Variants in SOX5 observed in about 807,000 individuals in gnomAD.
SOX5 encodes the protein transcription factor SOX-5.
SOX5 carries 9 observed loss-of-function variants against 92.0 expected under a neutral mutation model. That is an observed-to-expected ratio of 0.10 (90% confidence interval 0.06 to 0.17). SOX5 has a LOEUF of 0.17. SOX5 is among the 10% of genes least tolerant of loss of function. The pLI is 1.00. For missense variants in SOX5, 642 were observed against 944.5 expected, an observed-to-expected ratio of 0.68 and a Z score of 4.20; for synonymous variants, 344 against 336.3, an observed-to-expected ratio of 1.02 and a Z score of -0.25.
rs1299804808 is a variant in SOX5, at chr12:24,185,473, A to G, written c.-2+27870T>C. On this transcript the variant is annotated intron_variant, in intron 4 of 4. Transcript: ENST00000446891. ...TTCTAATTTTATGTTTGTCCGTGTC[A>G]CTATTTATTTAGTATATTTCTCCCC... is the stretch of plus-strand genomic sequence containing the variant. Among the ~76,000 whole-genome samples, 6 of 152,256 alleles carry G rather than the reference A, an allele frequency of 3.9e-5. No individual in the cohort carries two copies. In the East Asian group the frequency reaches 9.6e-4, roughly 24 times the overall value.
At chr12:24,290,730 T>C (rs935938754) in intron 2 of SOX5, among the ~76,000 whole-genome samples, 11 of 152,082 alleles carry the variant, frequency 7.2e-5, no homozygotes, top group African/African-American at 2.7e-4. Context: ...TAAAAATAGA[T>C]AGTTTCAAAA....
At chr12:23,695,977 C>CA (rs2089776706) in intron 6 of SOX5, among the ~76,000 whole-genome samples, 1 of 104,766 alleles carries the variant, frequency 9.5e-6, no homozygotes, top group African/African-American at 3.6e-5. Context: ...AAGAACACAA[C>CA]AAAAAACAAA....
chr12:23,612,979 C>T (rs557244436), intron 8 of SOX5, among the ~76,000 whole-genome samples: 19 of 152,226 alleles, frequency 1.2e-4, no homozygotes, highest in South Asian at 2.1e-4. Flanking sequence ...AATAAATTTG[C>T]TTTGCCCATT....
chr12:24,458,035 CTA>C (rs1380899720), intron 1 of SOX5, among the ~76,000 whole-genome samples: 3 of 137,708 alleles, frequency 2.2e-5, no homozygotes, highest in Non-Finnish European at 5.0e-5. Flanking sequence ...TGCAGGTAAA[CTA>C]TTTTTTTTTT....
At chr12:23,607,031 A>T (rs1335111534) in intron 8 of SOX5, among the ~76,000 whole-genome samples, 1 of 152,184 alleles carries the variant, frequency 6.6e-6, no homozygotes, top group Non-Finnish European at 1.5e-5. Flanking sequence ...GGCTAACATT[A>T]GGTTGCTCTT....
At chr12:24,528,273 T>A (rs184605901) in intron 1 of SOX5, among the ~76,000 whole-genome samples, 53 of 152,272 alleles carry the variant, frequency 3.5e-4, no homozygotes, top group South Asian at 8.3e-4. Flanking sequence ...GACCTGTACA[T>A]CCCCTTTTAT....
At chr12:23,929,591 A>G (rs1236652994) in intron 1 of SOX5, among the ~76,000 whole-genome samples, 1 of 152,000 alleles carries the variant, frequency 6.6e-6, no homozygotes, top group African/African-American at 2.4e-5. Flanking sequence ...GAAAGAGGAA[A>G]AAAAACAACA....
At position 24,047,406 on chromosome 12, in the gene SOX5, T is replaced by C. The variant is rs12426292; in HGVS notation, c.-1-151382A>G. 3.9e-3 allele frequency among the ~76,000 whole-genome samples: 587 copies of C among 152,360 alleles called. 10 individuals carry two copies. The highest frequency in any genetic ancestry group is 0.019 in the Admixed American group (295 of 15,302). On this transcript the variant is annotated intron_variant, in intron 4 of 4. Coordinates refer to the SOX5 transcript ENST00000446891. ...TTTGCACACAGAAAATTATTTCATA[T>C]GGACACTCCATTCTTGGGGAACATG... is the stretch of plus-strand genomic sequence containing the variant.
At chr12:23,729,726 G>C (rs976082803) in intron 6 of SOX5, among the ~76,000 whole-genome samples, 1 of 152,076 alleles carries the variant, frequency 6.6e-6, no homozygotes, top group Non-Finnish European at 1.5e-5. Flanking sequence ...CTGATGCCCT[G>C]GTATGGGAAT....
rs532573476 is a variant in SOX5, at chr12:24,247,934, G to A, written c.-77+29282C>T. 5.3e-5 allele frequency among the ~76,000 whole-genome samples: 8 copies of A among 152,140 alleles called. 1 individual carries two copies. Among genetic ancestry groups the A allele is most frequent in the African/African-American group, 1.9e-4 (8 of 41,534 alleles). On this transcript the variant is annotated intron_variant, in intron 3 of 4. Transcript: ENST00000446891. ...CTCCCAAAGTGCTGGGATTACAGGC[G>A]TGAGCCACGGCACCCAGCCAGCAAT...
chr12:23,556,740 C>T (rs1461318491), intron 11 of SOX5, among the ~76,000 whole-genome samples: 2 of 152,214 alleles, frequency 1.3e-5, no homozygotes, highest in African/African-American at 4.8e-5. Context: ...CTTCCACCGA[C>T]TGGAGAGGCA....
intron 2 of SOX5, among the ~76,000 whole-genome samples, chr12:24,316,464 G>A (rs997569674): frequency 6.6e-6 from 1 of 152,138 alleles, no homozygotes; most frequent in Admixed American, 6.5e-5. Context: ...AAAGATTGCC[G>A]ATTTCCCATG....
chr12:23,570,930 AATATATATATAT>A (rs1164831816), intron 10 of SOX5, among the ~76,000 whole-genome samples: 316 of 19,692 alleles, frequency 0.016, 1 homozygote, highest in African/African-American at 0.028. Flanking sequence ...AAAAAAAAAA[AATATATATATAT>A]ATATATATAT....
chr12:24,157,903 T>G (rs1952357743), intron 4 of SOX5, among the ~76,000 whole-genome samples: 1 of 152,074 alleles, frequency 6.6e-6, no homozygotes, highest in Admixed American at 6.6e-5. Flanking sequence ...TTTGTCTCTG[T>G]TCTACACAAT....
chr12:24,253,261 C>T (rs986700611), intron 3 of SOX5, among the ~76,000 whole-genome samples: 8 of 144,778 alleles, frequency 5.5e-5, no homozygotes, highest in Middle Eastern at 3.4e-3. Context: ...CAGAGAAGCA[C>T]GTGCACATCT....
chr12:24,552,192 G>C (rs1385450064), intron 1 of SOX5, among the ~76,000 whole-genome samples: 1 of 151,302 alleles, frequency 6.6e-6, no homozygotes, highest in African/African-American at 2.4e-5. Flanking sequence ...TTTTATTTTA[G>C]AACTCCTAAA....
At chr12:23,553,144 G>A (rs1406007352) in intron 11 of SOX5, among the ~76,000 whole-genome samples, 1 of 151,828 alleles carries the variant, frequency 6.6e-6, no homozygotes, top group East Asian at 1.9e-4. Context: ...CTATGGTTTT[G>A]TAATCAATAA....
intron 6 of SOX5, among the ~76,000 whole-genome samples, chr12:23,715,809 C>CAAAAAAAAAAA (rs35450544): frequency 1.4e-5 from 1 of 72,822 alleles, no homozygotes; most frequent in African/African-American, 4.9e-5. Flanking sequence ...AGTAATTTCC[C>CAAAAAAAAAAA]AAAAAAAAAA....
chr12:24,374,516 T>TACAC (rs148748308), intron 1 of SOX5, among the ~76,000 whole-genome samples: 232 of 146,498 alleles, frequency 1.6e-3, no homozygotes, highest in Middle Eastern at 7.0e-3. Flanking sequence ...CACACACACA[T>TACAC]ACACACACAC....
Sources: allele counts gnomAD v4.1 joint callset (sites outside exome capture counted in the v4.1 genomes callset), GRCh38; gene constraint gnomAD v4.1.1; transcripts MANE v1.5; gene names NCBI Gene and HGNC (gene_info 2026-07-23, HGNC 2026-07-21).